SAP18: variants seen among roughly 807,000 people sequenced by gnomAD.
The protein encoded by SAP18 is Sin3A associated protein 18.
SAP18 carries 4 observed loss-of-function variants against 18.6 expected under a neutral mutation model. That is an observed-to-expected ratio of 0.21 (90% CI 0.11 to 0.49). The LOEUF (loss-of-function observed/expected upper bound fraction) is 0.49, where lower values mean the gene tolerates loss of function less well. SAP18 is among the 20% of genes least tolerant of loss of function. The pLI is 0.98. For synonymous variants in SAP18, 112 were observed against 82.8 expected (o/e 1.35, Z -1.92); for missense variants, 170 against 226.4 (o/e 0.75, Z 1.60).
intron 2 of SAP18, among the ~76,000 whole-genome samples, chr13:21,146,005 G>A (rs144909096): frequency 0.011 from 1,737 of 152,278 alleles, 16 homozygotes; most frequent in South Asian, 0.03. Context: ...ATTGGCTCTA[G>A]TACTCTTATC....
chr13:21,146,399 A>G (rs1260718792), intron 2 of SAP18: 1 of 155,762 alleles, frequency 6.4e-6, no homozygotes, highest in Non-Finnish European at 1.4e-5. Flanking sequence ...TCTAAGATAC[A>G]TTCCAATTTC....
At chr13:21,144,527 G>T (rs1595289516) in intron 2 of SAP18, among the ~76,000 whole-genome samples, 1 of 151,808 alleles carries the variant, frequency 6.6e-6, no homozygotes, top group Non-Finnish European at 1.5e-5. Context: ...AGGAAAGGCT[G>T]CTCTTAGGGC....
chr13:21,140,964 G>A, exon 2 of SAP18: 1 of 1,592,264 alleles, frequency 6.3e-7, no homozygotes, highest in Non-Finnish European at 8.5e-7. Flanking sequence ...CCGGGGAAAT[G>A]TACCGTCCAG....
At chr13:21,141,916 C>T (rs1869482141) in intron 2 of SAP18, among the ~76,000 whole-genome samples, 1 of 151,844 alleles carries the variant, frequency 6.6e-6, no homozygotes, top group African/African-American at 2.4e-5. Flanking sequence ...ATCTGCCTGC[C>T]TCAGCCTCCC....
At chr13:21,143,991 A>G (rs1869555118) in intron 2 of SAP18, among the ~76,000 whole-genome samples, 1 of 152,240 alleles carries the variant, frequency 6.6e-6, no homozygotes, top group Non-Finnish European at 1.5e-5. Flanking sequence ...TTAAATAGGC[A>G]GTCCCAAGAG....
chr13:21,147,196 A>G (rs1403487127), exon 4 of SAP18: 1 of 1,612,896 alleles, frequency 6.2e-7, no homozygotes. Flanking sequence ...AGTTAAGGAG[A>G]TTGGCAGCAC....
At chr13:21,141,039 G>GA in intron 2 of SAP18, 44 bp downstream of exon 2, 1 of 1,232,246 alleles carries the variant, frequency 8.1e-7, no homozygotes, top group Non-Finnish European at 1.2e-6. Flanking sequence ...CCGGGAACCT[G>GA]GAACAACAGT....
chr13:21,146,777 G>A (rs763701092), intron 2 of SAP18, 28 bp from the exon 3 acceptor site: 35 of 1,551,284 alleles, frequency 2.3e-5, no homozygotes, highest in Non-Finnish European at 3.0e-5. Context: ...ATAAGCAAAT[G>A]TAAATGTCTT....
At chr13:21,140,451 C>T, upstream of SAP18, 2 of 1,349,408 alleles carry the variant, frequency 1.5e-6, no homozygotes, top group South Asian at 1.4e-5. Flanking sequence ...CGCTCCGGCT[C>T]GCTCACCACG....
chr13:21,144,967 G>A (rs1869596812), intron 2 of SAP18, among the ~76,000 whole-genome samples: 1 of 152,090 alleles, frequency 6.6e-6, no homozygotes, highest in African/African-American at 2.4e-5. Flanking sequence ...AATATAGACT[G>A]AGCATCGCAA....
intron 2 of SAP18, chr13:21,141,353 G>T: frequency 3.6e-6 from 1 of 277,580 alleles, no homozygotes; most frequent in Non-Finnish European, 7.1e-6. Flanking sequence ...AACATGGTAA[G>T]GGAGAGTGAT....
At chr13:21,147,441 C>G (rs2137341526) in exon 4 of SAP18, 1 of 1,094,038 alleles carries the variant, frequency 9.1e-7, no homozygotes, top group South Asian at 1.5e-5. Context: ...CCTTTAAATT[C>G]TAAACAAATT....
At position 21,147,096 on chromosome 13, in the gene SAP18, A is replaced by T. The variant is rs1010269353; in HGVS notation, c.363-90A>T. On this transcript the variant is annotated intron_variant, in intron 3 of 3. Coordinates refer to ENST00000621421, the Ensembl canonical transcript of SAP18. ...AATTTTGGAAGTGTGTTATAAAATGATGGAGAAAATCCAGTGCCATATTCA... is the reference window on the plus strand; with the variant it reads ...AATTTTGGAAGTGTGTTATAAAATGTTGGAGAAAATCCAGTGCCATATTCA... The T allele has an allele frequency of 1.9e-5, 28 of 1,465,158 alleles. No individual in the cohort carries two copies. The African/African-American group carries it at 3.8e-4, about 20-fold the overall frequency. The allele number at this position is 1,465,158 out of a possible 1,614,324, so 90.8% of individuals were successfully genotyped here. A position where few individuals can be genotyped will look rare whatever the true frequency, so the allele number is the denominator to read the frequency against.
chr13:21,146,790 T>C lies in SAP18; in HGVS notation c.240-15T>C, dbSNP rs150187315. 11,292 of 1,573,920 alleles carry C rather than the reference T, an allele frequency of 7.2e-3. 59 individuals are homozygous for C. Among genetic ancestry groups the C allele is most frequent in the Non-Finnish European group, 8.5e-3 (9,904 of 1,163,244 alleles). On this transcript the variant is annotated splice_polypyrimidine_tract_variant and intron_variant, in intron 2 of 3. Transcript: ENST00000621421. ...TAATAAGCAAATGTAAATGTCTTTT[T>C]TAAAAAAAATCCAGGATGGATGCAA...
At chr13:21,148,368 CTG>C (rs766331769) in exon 4 of SAP18, 3 of 152,178 alleles carry the variant, frequency 2.0e-5, no homozygotes, top group East Asian at 1.9e-4. Flanking sequence ...GGTATTAAAA[CTG>C]GATCTCTTTT....
In SAP18 at chr13:21,140,535, G is replaced by C. The variant is rs1457919628; in HGVS notation, c.-18G>C. The C allele has an allele frequency of 3.2e-6, 5 of 1,568,100 alleles. No individual in the cohort carries two copies. In the African/African-American group the frequency reaches 4.1e-5, roughly 13 times the overall value. ...ACTATAAAGTGTCGAGCTTCTCCTC[G>C]CGAGAGACTTAGTGCTCATGCTCGC... On this transcript the variant is annotated 5_prime_UTR_variant, in exon 1 of 4. Transcript: ENST00000621421.
At position 21,140,865 on chromosome 13, in the gene SAP18, TC is replaced by T; in HGVS notation, c.130-19del. On this transcript the variant is annotated intron_variant, in intron 1 of 3. Transcript: ENST00000621421. ...AGCTGGTGTTTTTAACTTCTGCCCT[TC>T]CGTTTTCTCTCTCCCTCAGACATGC... 6.2e-7 allele frequency: 1 copy of T among 1,604,370 alleles called. No individual in the cohort carries two copies. Among genetic ancestry groups the T allele is most frequent in the Non-Finnish European group, 8.5e-7 (1 of 1,171,292 alleles).
At chr13:21,147,904 C>T (rs757457330) in exon 4 of SAP18, 2 of 152,242 alleles carry the variant, frequency 1.3e-5, no homozygotes, top group East Asian at 3.8e-4. Context: ...ACACAATGAG[C>T]ACTTAAGTTT....
At chr13:21,141,067 G>A in intron 2 of SAP18, 72 bp downstream of exon 2, 1 of 955,070 alleles carries the variant, frequency 1.0e-6, no homozygotes, top group South Asian at 1.3e-5. Context: ...CTTTGCCAGT[G>A]TAGAGTTATT....
Sources: allele counts gnomAD v4.1 joint callset (sites outside exome capture counted in the v4.1 genomes callset), GRCh38; gene constraint gnomAD v4.1.1; transcripts MANE v1.5; gene names NCBI Gene and HGNC (gene_info 2026-07-23, HGNC 2026-07-21).